Variants in ADGRV1 observed in about 807,000 individuals in gnomAD.
ADGRV1 encodes the protein adhesion G protein-coupled receptor V1.
A neutral mutation model predicts 596.2 loss-of-function variants in ADGRV1; 359 were observed. The observed-to-expected ratio is 0.60, with a 90% CI of 0.55 to 0.66. The LOEUF is 0.66. Ranked by LOEUF, ADGRV1 falls within the 30% of genes least tolerant of loss-of-function variation. The pLI, the probability that ADGRV1 is intolerant of heterozygous loss-of-function variation, is 0.00. For missense variants in ADGRV1, 7,274 were observed against 7,575.6 expected (o/e 0.96, Z 1.48); for synonymous variants, 2,681 against 2,679.2 (o/e 1.00, Z -0.02).
intron 57 of ADGRV1, among the ~76,000 whole-genome samples, chr5:90,757,493 T>C (rs1429874845): frequency 6.6e-6 from 1 of 152,212 alleles, no homozygotes; most frequent in Non-Finnish European, 1.5e-5. Flanking sequence ...CTGTGGACTT[T>C]AGTTTCTTTT....
intron 85 of ADGRV1, among the ~76,000 whole-genome samples, chr5:91,042,031 T>A (rs185767167): frequency 1.3e-5 from 2 of 152,304 alleles, no homozygotes; most frequent in South Asian, 2.1e-4. Flanking sequence ...TTAACTGTTT[T>A]ACAGATGTTT....
At chr5:90,909,278 G>T (rs1772617737) in intron 83 of ADGRV1, among the ~76,000 whole-genome samples, 1 of 152,142 alleles carries the variant, frequency 6.6e-6, no homozygotes, top group African/African-American at 2.4e-5. Context: ...TACTAAAGTG[G>T]ATCTCCTGAT....
At chr5:90,679,678 C>G (rs753983884) in intron 26 of ADGRV1, 49 bp downstream of exon 26, 14 of 1,328,910 alleles carry the variant, frequency 1.1e-5, no homozygotes, top group Non-Finnish European at 1.4e-5. Context: ...TTTATTTTAA[C>G]TTCTCATTTT....
At position 90,724,971 on chromosome 5, in the gene ADGRV1, G is replaced by A. The variant is rs372603399; in HGVS notation, c.9888G>A (p.Gly3296=). The change falls in exon 46 of 90, where the codon GGG becomes GGA. Residue 3296 remains glycine, a synonymous_variant. Transcript: ENST00000405460. ...CTGTTACTGTTTACCGATGGCAGGG[G>A]ATTTTTATTCCAGTTGAGGTAAACA... is the stretch of plus-strand genomic sequence containing the variant. The part of the protein sequence containing the change: ...KSSVTVYRWQ[G]IFIPVEDLNI... 179 of 1,600,890 alleles carry A rather than the reference G, an allele frequency of 1.1e-4. No individual in the cohort carries two copies. Among genetic ancestry groups the A allele is most frequent in the Middle Eastern group, 1.7e-4 (1 of 6,058 alleles).
At position 90,721,576 on chromosome 5, in the gene ADGRV1, T is replaced by TAAATAAAA. The variant is rs1554094700; in HGVS notation, c.9748+520_9748+521insTAAAAAAA. On this transcript the variant is annotated intron_variant, in intron 45 of 89. Transcript: ENST00000405460. ...TAAAATAAAATAAAATAAAATAAAATAAAATAAAATAAAATATGTATTTAG... is the reference window on the plus strand; with the variant it reads ...TAAAATAAAATAAAATAAAATAAAATAAATAAAAAAAATAAAATAAAATATGTATTTAG... Among the ~76,000 whole-genome samples the TAAATAAAA allele has an allele frequency of 1.5e-4, 18 of 119,930 alleles. 2 individuals carry two copies. The highest frequency in any genetic ancestry group is 5.9e-4 in the African/African-American group (18 of 30,646). The allele number at this position is 119,930 out of a possible 152,430, so 78.7% of individuals were successfully genotyped here. A position where few individuals can be genotyped will look rare whatever the true frequency, so the allele number is the denominator to read the frequency against.
chr5:90,714,669 C>T (rs10045236), intron 42 of ADGRV1, among the ~76,000 whole-genome samples: 110,786 of 151,994 alleles, frequency 0.73, 41,204 homozygotes, highest in African/African-American at 0.87. Flanking sequence ...TTCTAAAATG[C>T]AGAAAATAAT....
intron 7 of ADGRV1, 153 bp downstream of exon 7, chr5:90,627,929 C>T: frequency 2.4e-6 from 1 of 409,412 alleles, no homozygotes; most frequent in Non-Finnish European, 4.3e-6. Context: ...CACACACACA[C>T]ACACACACAC....
intron 87 of ADGRV1, among the ~76,000 whole-genome samples, chr5:91,112,838 G>T (rs1792494302): frequency 6.6e-6 from 1 of 152,032 alleles, no homozygotes; most frequent in South Asian, 2.1e-4. Context: ...TGCTGATTTT[G>T]CCTCTAAATT....
rs539305304 is a variant in ADGRV1 at position 91,163,929 on chromosome 5, C to T, written c.*29C>T. ...CTCACTAACCATTCGACTGAGCACACTTTCATATTTGTATCAGCTTTTGTG... is the reference window on the plus strand; with the variant it reads ...CTCACTAACCATTCGACTGAGCACATTTTCATATTTGTATCAGCTTTTGTG... On this transcript the variant is annotated 3_prime_UTR_variant, in exon 90 of 90. Coordinates refer to ENST00000405460, the MANE Select transcript of ADGRV1 (RefSeq NM_032119.4). 9.6e-7 allele frequency: 1 copy of T among 1,038,930 alleles called. No individual in the cohort carries two copies. The highest frequency in any genetic ancestry group is 1.8e-5 in the Admixed American group (1 of 54,092). 64.4% of individuals were successfully genotyped at this position (1,038,930 alleles called of 1,614,324 possible). A position where few individuals can be genotyped will look rare whatever the true frequency, so the allele number is the denominator to read the frequency against.
chr5:90,893,766 G>T (rs886638253), intron 83 of ADGRV1, among the ~76,000 whole-genome samples: 8 of 152,178 alleles, frequency 5.3e-5, no homozygotes, highest in African/African-American at 1.9e-4. Context: ...AGGATTACTT[G>T]TAAGGACTAA....
In ADGRV1 at chr5:90,705,537, A is replaced by G. The variant is rs765281686; in HGVS notation, c.8524A>G (p.Ile2842Val). 1.9e-6 allele frequency: 3 copies of G among 1,613,918 alleles called. No homozygotes were observed. The highest frequency in any genetic ancestry group is 2.5e-6 in the Non-Finnish European group (3 of 1,179,846). The stretch of plus-strand genomic sequence containing the variant: ...ATTTGTGTTACTACAAGAGGCTAAC[A>G]TAACAATTCAGCTTTTCATCAACAG... The part of the protein sequence containing the change: ...SRFVLLQEAN[I>V]TIQLFINREF... Residue 2842 changes from isoleucine (I) to valine (V), a missense_variant, in exon 37 of 90, where the codon ATA (isoleucine) becomes GTA (valine). This residue lies in a region of ADGRV1 where 3,643 missense variants were observed against 3,809.2 expected (regional missense o/e 0.96). Transcript: ENST00000405460.
In ADGRV1 at chr5:90,783,302, C is replaced by A. The variant is rs747011128; in HGVS notation, c.13410C>A (p.Ile4470=). The change falls in exon 66 of 90, where the codon ATC becomes ATA. Residue 4470 remains isoleucine (I), a synonymous_variant. Coordinates refer to ENST00000405460, the MANE Select transcript of ADGRV1 (RefSeq NM_032119.4). ...QHGQNLSFIN[I]SIIDDNESEF... is the part of the protein sequence containing the mutation. ...GGCAAAACTTAAGTTTTATAAATAT[C>A]TCCATCATTGATGACAATGAAAGGT... 15 of 1,611,364 alleles carry A rather than the reference C, an allele frequency of 9.3e-6. No homozygotes were observed. In the East Asian group the frequency reaches 3.3e-4, roughly 36 times the overall value.
intron 83 of ADGRV1, among the ~76,000 whole-genome samples, chr5:90,954,976 G>A (rs1777345131): frequency 6.6e-6 from 1 of 151,878 alleles, no homozygotes; most frequent in African/African-American, 2.4e-5. Context: ...TTATTTGGGA[G>A]GTAATTAGGT....
At chr5:90,645,821 G>A (rs905425335) in intron 15 of ADGRV1, 147 bp from the exon 16 acceptor site, 2 of 484,196 alleles carry the variant, frequency 4.1e-6, no homozygotes, top group African/African-American at 4.0e-5. Flanking sequence ...TTACCTGAAT[G>A]TGTTAGGGGA....
chr5:91,107,939 G>T (rs1485043096), intron 87 of ADGRV1, among the ~76,000 whole-genome samples: 1 of 152,098 alleles, frequency 6.6e-6, no homozygotes, highest in African/African-American at 2.4e-5. Flanking sequence ...AAAAATTTTG[G>T]TCTCTTTCTT....
chr5:90,766,331 A>C (rs1349843525), intron 59 of ADGRV1, among the ~76,000 whole-genome samples: 2 of 152,128 alleles, frequency 1.3e-5, no homozygotes, highest in Non-Finnish European at 2.9e-5. Context: ...TCTGGATATC[A>C]TCCCCAGCTG....
intron 87 of ADGRV1, among the ~76,000 whole-genome samples, chr5:91,137,431 A>T (rs1323218711): frequency 2.0e-5 from 3 of 152,174 alleles, no homozygotes; most frequent in African/African-American, 7.2e-5. Context: ...TCATATTTTT[A>T]ACTGCCTCAT....
intron 2 of ADGRV1, among the ~76,000 whole-genome samples, chr5:90,615,587 A>G (rs1763262782): frequency 6.6e-6 from 1 of 151,916 alleles, no homozygotes; most frequent in South Asian, 2.1e-4. Flanking sequence ...GTGACCACTA[A>G]GAGTATTGCT....
chr5:90,611,839 G>A (rs575599837), intron 1 of ADGRV1, among the ~76,000 whole-genome samples: 1 of 152,040 alleles, frequency 6.6e-6, no homozygotes, highest in African/African-American at 2.4e-5. Context: ...TTTTTAGTGT[G>A]ATAGAGGAAA....
Sources: gnomAD v4.1 joint callset for allele counts (sites outside exome capture counted in the v4.1 genomes callset) on GRCh38, gnomAD v4.1.1 for gene constraint, gnomAD v4.1.1 regional missense constraint, MANE v1.5 for transcripts, NCBI Gene and HGNC (gene_info 2026-07-23, HGNC 2026-07-21) for gene names.